NREP: variants seen among roughly 807,000 people sequenced by gnomAD.
NREP encodes neuronal regeneration related protein.
NREP carries 5 observed loss-of-function variants against 8.6 expected under a neutral mutation model. The ratio of observed to expected loss-of-function variants is 0.58; its 90% CI spans 0.30 to 1.22. The LOEUF (loss-of-function observed/expected upper bound fraction) is 1.22. Among genes scored for constraint, NREP ranks in the 50% most tolerant of loss-of-function variants. The pLI, the probability that NREP is intolerant of heterozygous loss-of-function variation, is 0.07. For synonymous variants in NREP, 27 were observed against 28.0 expected (o/e 0.96, Z 0.11); for missense variants, 86 against 82.5 (o/e 1.04, Z -0.17).
chr5:111,901,089 C>T (rs1379618923), intron 2 of NREP, among the ~76,000 whole-genome samples: 7 of 152,006 alleles, frequency 4.6e-5, no homozygotes, highest in African/African-American at 1.4e-4. Context: ...CCAAGGGATG[C>T]AAGAATGGTT....
At chr5:111,823,406 G>A (rs1177996603) in intron 2 of NREP, among the ~76,000 whole-genome samples, 1 of 152,000 alleles carries the variant, frequency 6.6e-6, no homozygotes, top group Non-Finnish European at 1.5e-5. Context: ...CCCCAGTCTA[G>A]CTCTGTCTCC....
chr5:111,827,186 G>C (rs1481103616), intron 2 of NREP, among the ~76,000 whole-genome samples: 1 of 152,186 alleles, frequency 6.6e-6, no homozygotes, highest in African/African-American at 2.4e-5. Flanking sequence ...TATAGTGAAG[G>C]ATTATTACTA....
intron 2 of NREP, among the ~76,000 whole-genome samples, chr5:111,811,047 C>G (rs7718087): frequency 6.6e-6 from 1 of 151,964 alleles, no homozygotes; most frequent in African/African-American, 2.4e-5. Flanking sequence ...AAACCACATA[C>G]TGTTGAGAAA....
intron 2 of NREP, among the ~76,000 whole-genome samples, chr5:111,881,912 A>T (rs1485410519): frequency 1.3e-5 from 2 of 152,186 alleles, no homozygotes; most frequent in African/African-American, 4.8e-5. Flanking sequence ...AAACTCTAAA[A>T]AGCAGAGCAC....
intron 2 of NREP, among the ~76,000 whole-genome samples, chr5:111,839,996 C>T (rs778105370): frequency 3.3e-5 from 5 of 152,024 alleles, no homozygotes; most frequent in African/African-American, 1.2e-4. Context: ...ACATCCTGAT[C>T]GTGTTTCAGA....
At chr5:111,798,828 G>A (rs978363928) in intron 2 of NREP, among the ~76,000 whole-genome samples, 3 of 149,846 alleles carry the variant, frequency 2.0e-5, no homozygotes, top group Non-Finnish European at 4.4e-5. Flanking sequence ...CTCATTGATC[G>A]ATGGGCATTT....
rs1748381513 is a variant in NREP at position 111,729,729 on chromosome 5, A to AAT, written c.*1190_*1191dup. On this transcript the variant is annotated 3_prime_UTR_variant, in exon 4 of 4. Coordinates refer to ENST00000257435, the MANE Select transcript of NREP (RefSeq NM_004772.4). ...CAACAACATTCCATGAGTAGATGGT[A>AAT]ATTTATTTTTGTTTATCCATTTCGT... 6.6e-6 allele frequency: 1 copy of AAT among 152,632 alleles called. No homozygotes were observed. Among genetic ancestry groups the AAT allele is most frequent in the Non-Finnish European group, 1.5e-5 (1 of 68,042 alleles). The allele number at this position is 152,632 out of a possible 1,614,324, so 9.5% of individuals were successfully genotyped here.
chr5:111,790,627 TC>T (rs1402426654), intron 2 of NREP, among the ~76,000 whole-genome samples: 2 of 152,026 alleles, frequency 1.3e-5, no homozygotes, highest in Non-Finnish European at 2.9e-5. Context: ...GTTTCGCCTA[TC>T]CATGTTTAAA....
chr5:111,825,975 A>ATTC, intron 2 of NREP, among the ~76,000 whole-genome samples: 1 of 134,202 alleles, frequency 7.5e-6, no homozygotes, highest in African/African-American at 2.8e-5. Context: ...TTTTTTTTTG[A>ATTC]GACAGTCTTG....
chr5:111,779,814 G>A (rs917573330), intron 2 of NREP, among the ~76,000 whole-genome samples: 4 of 152,212 alleles, frequency 2.6e-5, no homozygotes, highest in Non-Finnish European at 4.4e-5. Flanking sequence ...ATGCTGAATT[G>A]TACAGTATGA....
At chr5:111,788,342 A>C (rs1469055162) in intron 2 of NREP, among the ~76,000 whole-genome samples, 6 of 152,220 alleles carry the variant, frequency 3.9e-5, no homozygotes, top group African/African-American at 1.4e-4. Flanking sequence ...TCTCTCATAC[A>C]TACAAATATT....
At chr5:111,801,325 G>C (rs1411464419) in intron 2 of NREP, among the ~76,000 whole-genome samples, 1 of 152,006 alleles carries the variant, frequency 6.6e-6, no homozygotes, top group East Asian at 1.9e-4. Context: ...TGAGAGAGGG[G>C]GTGCAGAGAG....
chr5:111,771,602 A>T (rs1386619063), intron 2 of NREP, among the ~76,000 whole-genome samples: 1 of 152,098 alleles, frequency 6.6e-6, no homozygotes, highest in Non-Finnish European at 1.5e-5. Context: ...GTCTCTACTA[A>T]AAATACAAAA....
intron 2 of NREP, among the ~76,000 whole-genome samples, chr5:111,953,868 G>A (rs1025480933): frequency 6.6e-6 from 1 of 152,098 alleles, no homozygotes; most frequent in African/African-American, 2.4e-5. Flanking sequence ...AATATATTTA[G>A]GGAAGTGTAT....
At chr5:111,908,344 T>G (rs1014600740) in intron 2 of NREP, among the ~76,000 whole-genome samples, 3 of 152,076 alleles carry the variant, frequency 2.0e-5, no homozygotes, top group East Asian at 1.9e-4. Context: ...AGATATTATG[T>G]GATGCTGAGA....
chr5:111,929,617 T>C (rs1277169098), intron 2 of NREP, among the ~76,000 whole-genome samples: 1 of 152,254 alleles, frequency 6.6e-6, no homozygotes, highest in Non-Finnish European at 1.5e-5. Flanking sequence ...ACATGATTGA[T>C]GCAGAATTCT....
At chr5:111,797,662 A>G (rs747995071) in intron 2 of NREP, among the ~76,000 whole-genome samples, 13 of 152,194 alleles carry the variant, frequency 8.5e-5, no homozygotes, top group Non-Finnish European at 1.6e-4. Flanking sequence ...AAATTGTGCC[A>G]GTTTCATCTT....
At chr5:111,788,855 T>C (rs1326865171) in intron 2 of NREP, among the ~76,000 whole-genome samples, 3 of 152,236 alleles carry the variant, frequency 2.0e-5, no homozygotes, top group African/African-American at 4.8e-5. Flanking sequence ...CCTTCCCTAA[T>C]GTGGGTGGGC....
chr5:111,948,632 T>G (rs1163238770), intron 2 of NREP, among the ~76,000 whole-genome samples: 1 of 152,068 alleles, frequency 6.6e-6, no homozygotes, highest in Non-Finnish European at 1.5e-5. Context: ...AAGACATGCC[T>G]TTATGGAAAA....
Sources: gnomAD v4.1 joint callset for allele counts (sites outside exome capture counted in the v4.1 genomes callset) on GRCh38, gnomAD v4.1.1 for gene constraint, MANE v1.5 for transcripts, NCBI Gene and HGNC (gene_info 2026-07-23, HGNC 2026-07-21) for gene names.